The following ARHGAP39 variants were observed in gnomAD, a reference collection of about 807,000 sequenced individuals.
The protein encoded by ARHGAP39 is Rho GTPase activating protein 39.
A neutral mutation model predicts 106.9 loss-of-function variants in ARHGAP39; 44 were observed. The ratio of observed to expected loss-of-function variants is 0.41; its 90% confidence interval spans 0.32 to 0.53. The LOEUF (loss-of-function observed/expected upper bound fraction) is 0.53, where lower values mean the gene tolerates loss of function less well. Ranked by LOEUF, ARHGAP39 falls within the 20% of genes least tolerant of loss-of-function variation. The probability of loss-of-function intolerance (pLI) is 0.21; values close to 1 mark genes in which losing one functional copy is unlikely to be tolerated. For synonymous variants in ARHGAP39, 768 were observed against 693.2 expected (o/e 1.11, Z -1.69); for missense variants, 1,496 against 1,577.3 (o/e 0.95, Z 0.87).
At chr8:144,589,306 G>A (rs1034191435) in intron 2 of ARHGAP39, among the ~76,000 whole-genome samples, 2 of 151,980 alleles carry the variant, frequency 1.3e-5, no homozygotes, top group African/African-American at 4.8e-5. Flanking sequence ...TAGCACAGTC[G>A]GCCTCATTTC....
At chr8:144,686,389 G>A (rs185501535), upstream of ARHGAP39, among the ~76,000 whole-genome samples, 1 of 152,192 alleles carries the variant, frequency 6.6e-6, no homozygotes, top group Admixed American at 6.5e-5. Flanking sequence ...TTTCTAATCT[G>A]CGTTCAGCCT....
At chr8:144,650,518 CAAACTG>C (rs1392837640) in intron 1 of ARHGAP39, among the ~76,000 whole-genome samples, 1 of 152,126 alleles carries the variant, frequency 6.6e-6, no homozygotes, top group African/African-American at 2.4e-5. Flanking sequence ...AAAATACTTG[CAAACTG>C]AATCCAGCAG....
chr8:144,617,471 G>C (rs1196511285), intron 1 of ARHGAP39, among the ~76,000 whole-genome samples: 1 of 151,062 alleles, frequency 6.6e-6, no homozygotes, highest in Non-Finnish European at 1.5e-5. Flanking sequence ...CAGGAGACCT[G>C]AGCACCCAGC....
chr8:144,667,178 C>T (rs1821985251), intron 1 of ARHGAP39, among the ~76,000 whole-genome samples: 2 of 152,312 alleles, frequency 1.3e-5, no homozygotes, highest in South Asian at 4.1e-4. Flanking sequence ...TCCAAGCCCA[C>T]CCGCACCCCC....
the ARHGAP39 span, chr8:144,698,969 C>G: frequency 2.3e-6 from 1 of 434,102 alleles, no homozygotes. Flanking sequence ...GTGAGAAGGC[C>G]CCAGCCGCGT....
chr8:144,608,204 C>T (rs904013958), intron 1 of ARHGAP39, among the ~76,000 whole-genome samples: 4 of 143,112 alleles, frequency 2.8e-5, no homozygotes, highest in African/African-American at 5.2e-5. Flanking sequence ...AGAAATGAAA[C>T]TCAAATATTT....
intron 1 of ARHGAP39, chr8:144,605,899 A>C: frequency 2.2e-6 from 1 of 463,554 alleles, no homozygotes; most frequent in Admixed American, 3.5e-5. Context: ...CCAGCCCCAC[A>C]CGCAGCAGGG....
intron 3 of ARHGAP39, among the ~76,000 whole-genome samples, chr8:144,558,516 C>G (rs926620486): frequency 1.1e-4 from 17 of 152,004 alleles, no homozygotes; most frequent in Non-Finnish European, 1.5e-4. Context: ...TAGTCTCGAA[C>G]TCCTGACATC....
chr8:144,575,771 A>C (rs1335083494), intron 3 of ARHGAP39, among the ~76,000 whole-genome samples: 1 of 152,224 alleles, frequency 6.6e-6, no homozygotes, highest in Non-Finnish European at 1.5e-5. Context: ...GTCAAGCACT[A>C]TGCACGGTTC....
At chr8:144,556,202 G>A (rs377696600) in intron 3 of ARHGAP39, among the ~76,000 whole-genome samples, 21 of 151,536 alleles carry the variant, frequency 1.4e-4, no homozygotes, top group African/African-American at 3.4e-4. Flanking sequence ...GGAGAATGGC[G>A]TGAACCCGGG....
chr8:144,539,939 C>A (rs978118899), intron 6 of ARHGAP39, among the ~76,000 whole-genome samples: 1 of 152,230 alleles, frequency 6.6e-6, no homozygotes, highest in Non-Finnish European at 1.5e-5. Context: ...AAAAGTGGTA[C>A]AATTTGCATT....
rs778947337 is a variant in ARHGAP39, at chr8:144,548,128, A to G, written c.958T>C (p.Tyr320His). 6.4e-7 allele frequency: 1 copy of G among 1,572,238 alleles called. No homozygotes were observed. Among genetic ancestry groups the G allele is most frequent in the African/African-American group, 1.4e-5 (1 of 72,116 alleles). ...GGCTCATCGTAGATGGGGGCCTGGT[A>G]CTCCACTGGGGGCTCCTCGTAGAGC... Reference protein sequence around the residue: ...PPLYEEPPVEYQAPIYDEPPM... With the variant: ...PPLYEEPPVEHQAPIYDEPPM... Residue 320 changes from tyrosine (Y) to histidine (H), a missense_variant, in exon 5 of 12, where the codon TAC becomes CAC. By Grantham distance (83) the Tyr-to-His change is moderately conservative. Coordinates refer to ENST00000377307, the MANE Select transcript of ARHGAP39 (RefSeq NM_025251.3). The surrounding 1 kb of genome is among the most constrained non-coding windows in gnomAD (Gnocchi z 7.4).
chr8:144,541,971 G>GT (rs59286612), intron 6 of ARHGAP39, among the ~76,000 whole-genome samples: 82,766 of 146,776 alleles, frequency 0.56, 23,618 homozygotes, highest in African/African-American at 0.68. Context: ...TCCTTTCTGG[G>GT]TTTTTTTTTT....
At chr8:144,602,486 G>A (rs1057275970) in intron 2 of ARHGAP39, among the ~76,000 whole-genome samples, 3 of 132,882 alleles carry the variant, frequency 2.3e-5, no homozygotes, top group East Asian at 4.8e-4. Flanking sequence ...TGGTGTGTGC[G>A]CGAGCTCATG....
chr8:144,548,012 C>T lies in ARHGAP39; in HGVS notation c.1074G>A (p.Gln358=). 10 of 1,609,648 alleles carry T rather than the reference C, an allele frequency of 6.2e-6. No homozygotes were observed. The highest frequency in any genetic ancestry group is 8.5e-6 in the Non-Finnish European group (10 of 1,179,038). ...GCGAGGGGGGGCCCTGCTTGTTGGG[C>T]TGGAGGAACGGCCGGGGCTTACGGC... ...SPGRKPRPFL[Q]PNKQGPPSPC... The change falls in exon 5 of 12, where the codon CAG becomes CAA. Residue 358 remains glutamine (Q), a synonymous_variant. Coordinates refer to ENST00000377307, the MANE Select transcript of ARHGAP39 (RefSeq NM_025251.3). The surrounding 1 kb of genome is among the most constrained non-coding windows in gnomAD (Gnocchi z 7.4).
intron 3 of ARHGAP39, among the ~76,000 whole-genome samples, chr8:144,574,481 T>C (rs903399919): frequency 5.9e-5 from 9 of 152,082 alleles, no homozygotes; most frequent in South Asian, 2.1e-4. Flanking sequence ...CCATCCTGGC[T>C]AACACGGTGC....
Position 144,547,805 on chromosome 8 carries a change from G to A in ARHGAP39, c.1281C>T (p.Tyr427=), listed in dbSNP as rs753156952. The A allele has an allele frequency of 1.3e-6, 2 of 1,593,822 alleles. No individual in the cohort carries two copies. The highest frequency in any genetic ancestry group is 1.3e-5 in the African/African-American group (1 of 74,820). ...GCAGGCAGGGGCTGGGCTGCAAGGA[G>A]TACGAACCACCGCCGGGGTTGGGCG... ...KYAPNPGGGS[Y]SLQPSPCLLR... is the part of the protein sequence containing the mutation. Residue 427 remains tyrosine, a synonymous_variant, in exon 5 of 12, where the codon TAC becomes TAT. Coordinates refer to ENST00000377307, the MANE Select transcript of ARHGAP39 (RefSeq NM_025251.3). This position sits in a 1 kb window ranked among gnomAD's most constrained non-coding sequence, Gnocchi z 5.2.
chr8:144,542,853 C>A (rs1013924810), intron 6 of ARHGAP39, among the ~76,000 whole-genome samples: 1 of 151,362 alleles, frequency 6.6e-6, no homozygotes, highest in African/African-American at 2.4e-5. Flanking sequence ...GCAGGACAAT[C>A]GCTTGAACCC....
In ARHGAP39 at chr8:144,548,950, C is replaced by T. The variant is rs1166358706; in HGVS notation, c.597-461G>A. On this transcript the variant is annotated intron_variant, in intron 4 of 11. Transcript: ENST00000377307. This position sits in a 1 kb window ranked among gnomAD's most constrained non-coding sequence, Gnocchi z 7.4. The stretch of plus-strand genomic sequence containing the variant: ...ACCAGAATCCCACGGCCCCATTCTC[C>T]GACTGGGAGCTCCTGTGAGCTCCAG... Among the ~76,000 whole-genome samples, 1 of 152,220 alleles carries T rather than the reference C, an allele frequency of 6.6e-6. No homozygotes were observed.
Sources: gnomAD v4.1 joint callset for allele counts (sites outside exome capture counted in the v4.1 genomes callset) on GRCh38, gnomAD v4.1.1 for gene constraint, Gnocchi (gnomAD v3.1) non-coding constraint, MANE v1.5 for transcripts, NCBI Gene and HGNC (gene_info 2026-07-23, HGNC 2026-07-21) for gene names.